The following EFHD2 variants were observed in gnomAD, a reference collection of about 807,000 sequenced individuals.
EFHD2 encodes the protein EF-hand domain family member D2.
Under a neutral mutation model 20.3 loss-of-function variants are expected in EFHD2, and 12 were observed. The observed-to-expected ratio is 0.59, with a 90% confidence interval of 0.38 to 0.96. The LOEUF (loss-of-function observed/expected upper bound fraction) is 0.96. Among genes scored for constraint, EFHD2 ranks in the 40% least tolerant of loss-of-function variants. The probability of loss-of-function intolerance (pLI) is 0.00; values close to 1 mark genes in which losing one functional copy is unlikely to be tolerated. For missense variants in EFHD2, 250 were observed against 334.3 expected, an observed-to-expected ratio of 0.75 and a Z score of 1.97; for synonymous variants, 131 against 143.9, an observed-to-expected ratio of 0.91 and a Z score of 0.64.
chr1:15,429,542 C>T lies in EFHD2; in HGVS notation c.*818C>T, dbSNP rs1178257997. 1.3e-5 allele frequency: 2 copies of T among 152,668 alleles called. No individual in the cohort carries two copies. Among genetic ancestry groups the T allele is most frequent in the African/African-American group, 2.4e-5 (1 of 41,446 alleles). The allele number at this position is 152,668 out of a possible 1,614,324, so 9.5% of individuals were successfully genotyped here. On this transcript the variant is annotated 3_prime_UTR_variant, in exon 4 of 4. Transcript: ENST00000375980. ...CCCAGCCAGAACACCCTGAGGGTCT[C>T]GGGGCTCTGGAGAGAGTGGGGCGGG...
chr1:15,426,883 G>A lies in EFHD2; in HGVS notation c.457-267G>A, dbSNP rs556063098. On this transcript the variant is annotated intron_variant, in intron 2 of 3. Transcript: ENST00000375980. This position sits in a 1 kb window ranked among gnomAD's most constrained non-coding sequence, Gnocchi z 4.6. ...CAGAGGTAAGAGGTAGGCTGAGGCC[G>A]TGTCGTCGGGAGCTGGTGTGGGCGG... is the stretch of plus-strand genomic sequence containing the variant. 3.9e-5 allele frequency among the ~76,000 whole-genome samples: 6 copies of A among 152,328 alleles called. No individual in the cohort carries two copies. The South Asian group carries it at 8.3e-4, about 21-fold the overall frequency.
Position 15,409,944 on chromosome 1 carries a change from G to A in EFHD2, c.-28G>A, listed in dbSNP as rs1707428297. 5 of 1,222,868 alleles carry A rather than the reference G, an allele frequency of 4.1e-6. No individual in the cohort carries two copies. Among genetic ancestry groups the A allele is most frequent in the African/African-American group, 1.6e-5 (1 of 63,118 alleles). 75.8% of individuals were successfully genotyped at this position (1,222,868 alleles called of 1,614,324 possible). A position where few individuals can be genotyped will look rare whatever the true frequency, so the allele number is the denominator to read the frequency against. On this transcript the variant is annotated 5_prime_UTR_variant, in exon 1 of 4. Coordinates refer to ENST00000375980, the MANE Select transcript of EFHD2 (RefSeq NM_024329.6). ...GGCGCTGCGCTGAGAGCAGGGGCCC[G>A]GCCAAGGCGAGTGCCGCGCGGGCCA...
intron 1 of EFHD2, among the ~76,000 whole-genome samples, chr1:15,415,380 A>G (rs1335455870): frequency 6.6e-6 from 1 of 152,088 alleles, no homozygotes; most frequent in African/African-American, 2.4e-5. Flanking sequence ...CCTCCTTGTT[A>G]AACAGAGCCA....
chr1:15,416,368 G>T (rs1439669925), intron 1 of EFHD2, among the ~76,000 whole-genome samples: 1 of 151,926 alleles, frequency 6.6e-6, no homozygotes, highest in Non-Finnish European at 1.5e-5. Context: ...CCTCAGCAGG[G>T]AAGGTCCCCA....
chr1:15,410,646 G>A (rs79280654), intron 1 of EFHD2, among the ~76,000 whole-genome samples: 8,416 of 150,870 alleles, frequency 0.056, 273 homozygotes, highest in Middle Eastern at 0.15. Flanking sequence ...CCTCCGCGCT[G>A]TTAGTGGGGC....
At chr1:15,414,397 T>C (rs952106770) in intron 1 of EFHD2, among the ~76,000 whole-genome samples, 1 of 152,246 alleles carries the variant, frequency 6.6e-6, no homozygotes, top group African/African-American at 2.4e-5. Flanking sequence ...GCCCTGGGTT[T>C]GAATACAGCT....
At chr1:15,420,641 T>C (rs1312312311) in intron 1 of EFHD2, among the ~76,000 whole-genome samples, 1 of 152,302 alleles carries the variant, frequency 6.6e-6, no homozygotes, top group East Asian at 1.9e-4. Flanking sequence ...TGACTCAGCT[T>C]CCTGAGTAGC....
chr1:15,417,668 G>T (rs556010568), intron 1 of EFHD2, among the ~76,000 whole-genome samples: 1 of 152,224 alleles, frequency 6.6e-6, no homozygotes, highest in South Asian at 2.1e-4. Context: ...AGTGGTGAGC[G>T]CTGGGCTTTC....
chr1:15,427,093 T>C, intron 2 of EFHD2, 57 bp from the exon 3 acceptor site: 1 of 1,585,046 alleles, frequency 6.3e-7, no homozygotes, highest in Non-Finnish European at 8.6e-7. Flanking sequence ...GGCCAGGGAC[T>C]CCGGCTCCCC....
At chr1:15,427,389 A>G (rs1009204874) in intron 3 of EFHD2, 105 bp downstream of exon 3, 2 of 1,486,748 alleles carry the variant, frequency 1.3e-6, no homozygotes, top group African/African-American at 1.4e-5. Context: ...GGCTGCAGAC[A>G]GAGATGGGAG....
At position 15,410,232 on chromosome 1, in the gene EFHD2, G is replaced by C; in HGVS notation, c.261G>C (p.Lys87Asn). 1 of 1,606,682 alleles carries C rather than the reference G, an allele frequency of 6.2e-7. No individual in the cohort carries two copies. The highest frequency in any genetic ancestry group is 8.5e-7 in the Non-Finnish European group (1 of 1,177,262). The change falls in exon 1 of 4, where the codon AAG (lysine) becomes AAC (asparagine). Residue 87 changes from lysine to asparagine, a missense_variant. Lys to Asn is a moderately conservative substitution (Grantham distance 94). This residue lies in a region of EFHD2 where 143 missense variants were observed against 190.6 expected (regional missense o/e 0.75). Transcript: ENST00000375980. ...TCTTCAACCCCTACACCGAGTTCAA[G>C]GAGTTCTCCAGGAAGCAGATCAAGG... ...RRVFNPYTEF[K>N]EFSRKQIKDM... is the part of the protein sequence containing the mutation.
intron 1 of EFHD2, among the ~76,000 whole-genome samples, chr1:15,418,889 C>T (rs375317205): frequency 2.0e-5 from 3 of 152,238 alleles, no homozygotes; most frequent in Non-Finnish European, 4.4e-5. Context: ...TGGGCTAAGT[C>T]GCTTCCCCTC....
chr1:15,427,098 C>T (rs1189171996), intron 2 of EFHD2, 52 bp from the exon 3 acceptor site: 15 of 1,590,948 alleles, frequency 9.4e-6, no homozygotes, highest in Non-Finnish European at 1.2e-5. Context: ...GGGACTCCGG[C>T]TCCCCTCCTT....
intron 1 of EFHD2, among the ~76,000 whole-genome samples, chr1:15,411,218 C>T (rs2103268460): frequency 1.3e-5 from 2 of 151,614 alleles, no homozygotes; most frequent in Middle Eastern, 6.8e-3. Flanking sequence ...TCCCTCCCCA[C>T]AGGGACCCCC....
intron 1 of EFHD2, among the ~76,000 whole-genome samples, chr1:15,417,426 C>T (rs866012188): frequency 2.0e-5 from 3 of 152,140 alleles, no homozygotes; most frequent in South Asian, 2.1e-4. Context: ...GCCGTGGGTG[C>T]GGTGTGAGGT....
intron 1 of EFHD2, among the ~76,000 whole-genome samples, chr1:15,418,819 A>G (rs1292746084): frequency 6.6e-6 from 1 of 150,910 alleles, no homozygotes; most frequent in Non-Finnish European, 1.5e-5. Flanking sequence ...AGTCGTTAAG[A>G]GTGCATGTGT....
chr1:15,416,302 T>C (rs998795493), intron 1 of EFHD2, among the ~76,000 whole-genome samples: 1 of 152,066 alleles, frequency 6.6e-6, no homozygotes. Flanking sequence ...TCAGGGGATG[T>C]CAGAGGTCGT....
In EFHD2 at chr1:15,410,148, G is replaced by C. The variant is rs141227487; in HGVS notation, c.177G>C (p.Leu59=). Residue 59 remains leucine (L), a synonymous_variant, in exon 1 of 4, where the codon CTG becomes CTC. Transcript: ENST00000375980. Reference sequence around the variant, plus strand: ...CGGACTGCGAGCTGAGCGCCAAGCTGCTGCGGCGCGCAGACCTCAACCAGG... The same window carrying C: ...CGGACTGCGAGCTGAGCGCCAAGCTCCTGCGGCGCGCAGACCTCAACCAGG... ...GSADCELSAK[L]LRRADLNQGI... The C allele has an allele frequency of 1.3e-6, 2 of 1,598,288 alleles. No individual in the cohort carries two copies. Among genetic ancestry groups the C allele is most frequent in the African/African-American group, 2.8e-5 (2 of 72,544 alleles).
intron 1 of EFHD2, among the ~76,000 whole-genome samples, chr1:15,419,749 T>C (rs2496313): frequency 0.14 from 21,645 of 152,196 alleles, 2,671 homozygotes; most frequent in African/African-American, 0.34. Flanking sequence ...GAAGGGCTGG[T>C]GGGTGAGAGG....
Sources: gnomAD v4.1 joint callset for allele counts (sites outside exome capture counted in the v4.1 genomes callset) on GRCh38, gnomAD v4.1.1 for gene constraint, gnomAD v4.1.1 regional missense constraint, Gnocchi (gnomAD v3.1) non-coding constraint, MANE v1.5 for transcripts, NCBI Gene and HGNC (gene_info 2026-07-23, HGNC 2026-07-21) for gene names.